Variants in FOXN2 observed in about 807,000 individuals in gnomAD.
The protein encoded by FOXN2 is forkhead box protein N2.
FOXN2 carries 19 observed loss-of-function variants against 41.2 expected under a neutral mutation model. The observed-to-expected ratio is 0.46, with a 90% CI of 0.32 to 0.68. The LOEUF (loss-of-function observed/expected upper bound fraction) is 0.68. FOXN2 is among the 30% of genes least tolerant of loss of function. The pLI is 0.03. For synonymous variants in FOXN2, 195 were observed against 176.8 expected (o/e 1.10, Z -0.82); for missense variants, 587 against 509.4 (o/e 1.15, Z -1.47).
chr2:48,315,118 G>A lies in FOXN2; in HGVS notation c.-157+304G>A, dbSNP rs1668813657. Reference sequence around the variant, plus strand: ...ATGACCGCCCGGGAGGGGCTGTCGCGCGGCGGAAACCGCGGCGAGGGGTGT... The same window carrying A: ...ATGACCGCCCGGGAGGGGCTGTCGCACGGCGGAAACCGCGGCGAGGGGTGT... On this transcript the variant is annotated intron_variant, in intron 1 of 6. Transcript: ENST00000340553. Among the ~76,000 whole-genome samples the A allele has an allele frequency of 5.9e-5, 9 of 152,118 alleles. No individual in the cohort carries two copies. In the South Asian group the frequency reaches 1.9e-3, roughly 31 times the overall value.
intron 2 of FOXN2, among the ~76,000 whole-genome samples, chr2:48,331,353 G>C (rs1670010157): frequency 6.6e-6 from 1 of 151,978 alleles, no homozygotes. Context: ...CTATAGTATA[G>C]GTAAGATAGA....
chr2:48,359,318 C>A (rs1398260695), intron 4 of FOXN2, among the ~76,000 whole-genome samples, 171 bp downstream of exon 4: 1 of 152,066 alleles, frequency 6.6e-6, no homozygotes, highest in Non-Finnish European at 1.5e-5. Flanking sequence ...TTTGTGGACA[C>A]AGTCTTACTC....
chr2:48,366,146 C>G (rs1672517938), intron 5 of FOXN2, among the ~76,000 whole-genome samples: 1 of 152,092 alleles, frequency 6.6e-6, no homozygotes. Context: ...CACATGAGAT[C>G]AAGAGTTCAA....
In FOXN2 at chr2:48,346,235, G is replaced by A. The variant is rs1207419283; in HGVS notation, c.21G>A (p.Met7Ile). 1 of 1,608,310 alleles carries A rather than the reference G, an allele frequency of 6.2e-7. No homozygotes were observed. Residue 7 changes from methionine (M) to isoleucine (I), a missense_variant, in exon 3 of 7, where the codon ATG (methionine) becomes ATA (isoleucine). Met to Ile is a conservative substitution (Grantham distance 10). Transcript: ENST00000340553. ...AGTAAATGGGTCCAGTAATTGGAAT[G>A]ACTCCAGATAAGAGAGCTGAAACCC... MGPVIG[M>I]TPDKRAETPG...
intron 5 of FOXN2, among the ~76,000 whole-genome samples, chr2:48,366,113 T>C (rs749881664): frequency 6.6e-6 from 1 of 152,148 alleles, no homozygotes; most frequent in Admixed American, 6.5e-5. Flanking sequence ...TCCCAGCACT[T>C]TGGGAGGCCG....
At chr2:48,323,350 C>T (rs1314751729) in intron 1 of FOXN2, among the ~76,000 whole-genome samples, 2 of 152,170 alleles carry the variant, frequency 1.3e-5, no homozygotes, top group African/African-American at 4.8e-5. Flanking sequence ...TACATTCCCA[C>T]CAACAGTGTA....
intron 2 of FOXN2, among the ~76,000 whole-genome samples, chr2:48,335,388 T>C (rs992088274): frequency 6.6e-6 from 1 of 152,026 alleles, no homozygotes; most frequent in Middle Eastern, 3.4e-3. Context: ...GACCACAAGA[T>C]AGACAAGAAA....
At position 48,374,897 on chromosome 2, in the gene FOXN2, G is replaced by C. The variant is rs1469781632; in HGVS notation, c.773-23G>C. 1.9e-6 allele frequency: 3 copies of C among 1,575,494 alleles called. No homozygotes were observed. In the South Asian group the frequency reaches 3.5e-5, roughly 18 times the overall value. On this transcript the variant is annotated intron_variant, in intron 6 of 6. Transcript: ENST00000340553. ...TGCAACCAAACACATTTGACCTATT[G>C]ATGGAACTTTTATTTTCCACAGGTG...
chr2:48,331,075 C>T (rs1669990663), intron 2 of FOXN2, among the ~76,000 whole-genome samples: 1 of 152,120 alleles, frequency 6.6e-6, no homozygotes, highest in Admixed American at 6.5e-5. Context: ...TTATTAGAAA[C>T]AGCACAATTG....
upstream of FOXN2, among the ~76,000 whole-genome samples, chr2:48,314,450 C>G (rs938906300): frequency 6.6e-6 from 1 of 152,260 alleles, no homozygotes; most frequent in Admixed American, 6.5e-5. Flanking sequence ...ATTTCACCCC[C>G]ACCCCAGCCG....
intron 2 of FOXN2, among the ~76,000 whole-genome samples, chr2:48,336,439 G>GTA (rs1217358327): frequency 6.8e-6 from 1 of 146,520 alleles, no homozygotes; most frequent in African/African-American, 2.5e-5. Context: ...ATGTATATGT[G>GTA]TGTGTGTGTG....
chr2:48,346,848 T>G, intron 3 of FOXN2, 97 bp downstream of exon 3: 1 of 989,966 alleles, frequency 1.0e-6, no homozygotes, highest in Non-Finnish European at 1.5e-6. Flanking sequence ...CAATAAGTAG[T>G]CAAGTCAAAT....
chr2:48,337,980 A>G (rs1221808208), intron 2 of FOXN2, among the ~76,000 whole-genome samples: 1 of 152,212 alleles, frequency 6.6e-6, no homozygotes, highest in Non-Finnish European at 1.5e-5. Context: ...GCGATTAACA[A>G]GCTTCATCCA....
chr2:48,355,990 G>A (rs1294347606), intron 3 of FOXN2, among the ~76,000 whole-genome samples: 1 of 152,084 alleles, frequency 6.6e-6, no homozygotes, highest in African/African-American at 2.4e-5. Context: ...GGGCACAGTG[G>A]CACTTACACC....
chr2:48,379,029 A>C lies in FOXN2; in HGVS notation c.*3586A>C, dbSNP rs909851839. On this transcript the variant is annotated 3_prime_UTR_variant, in exon 7 of 7. Transcript: ENST00000340553. Reference sequence around the variant, plus strand: ...TGTAAGAATGCTTTCTGATTCAACAAATTTGTTATCAAACTGTTTCCTTAT... The same window carrying C: ...TGTAAGAATGCTTTCTGATTCAACACATTTGTTATCAAACTGTTTCCTTAT... 2.0e-5 allele frequency: 3 copies of C among 152,546 alleles called. No individual in the cohort carries two copies. Among genetic ancestry groups the C allele is most frequent in the African/African-American group, 4.8e-5 (2 of 41,422 alleles). The allele number at this position is 152,546 out of a possible 1,614,324, so 9.4% of individuals were successfully genotyped here. A position where few individuals can be genotyped will look rare whatever the true frequency, so the allele number is the denominator to read the frequency against.
intron 5 of FOXN2, among the ~76,000 whole-genome samples, chr2:48,372,826 A>AT (rs1672997246): frequency 1.3e-5 from 2 of 152,048 alleles, no homozygotes. Context: ...AGACTGACGA[A>AT]TTACATATTT....
chr2:48,364,294 C>G (rs1050147340), intron 5 of FOXN2, among the ~76,000 whole-genome samples: 2 of 152,180 alleles, frequency 1.3e-5, no homozygotes, highest in African/African-American at 4.8e-5. Flanking sequence ...ATGGCACAGT[C>G]ATGACTCACC....
At chr2:48,315,675 G>A (rs1668862433) in intron 1 of FOXN2, among the ~76,000 whole-genome samples, 1 of 152,158 alleles carries the variant, frequency 6.6e-6, no homozygotes, top group South Asian at 2.1e-4. Context: ...TTAGCGGAAA[G>A]CAGCCCATGT....
intron 1 of FOXN2, among the ~76,000 whole-genome samples, chr2:48,315,909 A>G (rs1391898076): frequency 2.6e-5 from 4 of 152,226 alleles, no homozygotes; most frequent in Non-Finnish European, 5.9e-5. Flanking sequence ...GTGCAAAGAA[A>G]TGACCACAGA....
Sources: allele counts gnomAD v4.1 joint callset (sites outside exome capture counted in the v4.1 genomes callset), GRCh38; gene constraint gnomAD v4.1.1; transcripts MANE v1.5; gene names NCBI Gene and HGNC (gene_info 2026-07-23, HGNC 2026-07-21).